Variants in SMYD4 observed in about 807,000 individuals in gnomAD.
SMYD4 encodes the protein protein-lysine N-methyltransferase SMYD4.
A neutral mutation model predicts 72.8 loss-of-function variants in SMYD4; 68 were observed. That is an observed-to-expected ratio of 0.93 (90% CI 0.77 to 1.14). SMYD4 has a LOEUF of 1.14. SMYD4 is among the 50% of genes most tolerant of loss of function. SMYD4 has a pLI of 0.00. For missense variants in SMYD4, 984 were observed against 1,003.7 expected, an observed-to-expected ratio of 0.98 and a Z score of 0.27; for synonymous variants, 407 against 388.6, an observed-to-expected ratio of 1.05 and a Z score of -0.56.
Position 1,786,989 on chromosome 17 carries a change from C to T in SMYD4, c.1721-16G>A, listed in dbSNP as rs75540186. On this transcript the variant is annotated splice_polypyrimidine_tract_variant and intron_variant, in intron 6 of 10. Transcript: ENST00000305513. ...TTGTGAGGCCCTGGAGGGAGATCAC[C>T]GTCAGCCAATATTGAAAGCAAGAGA... is the stretch of plus-strand genomic sequence containing the variant. 1.9e-3 allele frequency: 2,972 copies of T among 1,599,530 alleles called. 45 individuals are homozygous for T. The African/African-American group carries it at 0.036, about 20-fold the overall frequency.
At chr17:1,815,825 G>A (rs1002043050) in intron 2 of SMYD4, among the ~76,000 whole-genome samples, 8 of 151,598 alleles carry the variant, frequency 5.3e-5, no homozygotes, top group African/African-American at 1.7e-4. Flanking sequence ...TCAGCCTCCC[G>A]AGTAGCTGGG....
chr17:1,827,995 G>A lies in SMYD4; in HGVS notation c.-1C>T. The A allele has an allele frequency of 6.2e-7, 1 of 1,607,076 alleles. No homozygotes were observed. Among genetic ancestry groups the A allele is most frequent in the Non-Finnish European group, 8.5e-7 (1 of 1,174,282 alleles). On this transcript the variant is annotated 5_prime_UTR_variant, in exon 2 of 11. Transcript: ENST00000305513. ...TCCATTCATCCACAGGCAGATCCAT[G>A]CTGCTTTTGATCTATAAAATGAGTA...
At chr17:1,793,890 G>A in intron 5 of SMYD4, among the ~76,000 whole-genome samples, 2 of 148,584 alleles carry the variant, frequency 1.3e-5, no homozygotes, top group Non-Finnish European at 3.0e-5. Context: ...GTGTGATCTC[G>A]GCTCACTGCA....
intron 5 of SMYD4, among the ~76,000 whole-genome samples, chr17:1,793,609 C>T (rs557006097): frequency 5.5e-4 from 83 of 151,972 alleles, no homozygotes; most frequent in African/African-American, 1.8e-3. Context: ...CAGAGCTAGC[C>T]CAGATTCAAG....
chr17:1,782,971 G>A, intron 10 of SMYD4, 64 bp downstream of exon 10: 4 of 1,555,320 alleles, frequency 2.6e-6, no homozygotes, highest in Middle Eastern at 1.7e-4. Context: ...TAGAAAAAAA[G>A]TAATACCCAG....
intron 4 of SMYD4, among the ~76,000 whole-genome samples, chr17:1,801,270 G>A (rs1239062522): frequency 1.3e-5 from 2 of 151,508 alleles, no homozygotes; most frequent in Non-Finnish European, 2.9e-5. Flanking sequence ...ACGGAGTCTC[G>A]CTCTGTCGCC....
At chr17:1,822,832 G>GA (rs1910963165) in intron 2 of SMYD4, among the ~76,000 whole-genome samples, 1 of 151,998 alleles carries the variant, frequency 6.6e-6, no homozygotes, top group Non-Finnish European at 1.5e-5. Context: ...TAATTGGGGG[G>GA]AAAAGCCTTA....
intron 2 of SMYD4, among the ~76,000 whole-genome samples, chr17:1,815,653 GC>G (rs931508711): frequency 7.4e-6 from 1 of 134,774 alleles, no homozygotes; most frequent in African/African-American, 3.0e-5. Flanking sequence ...GCAAGACCCT[GC>G]CTTAAAAAAA....
chr17:1,816,225 C>A (rs1910583290), intron 2 of SMYD4, among the ~76,000 whole-genome samples: 1 of 152,158 alleles, frequency 6.6e-6, no homozygotes, highest in Non-Finnish European at 1.5e-5. Context: ...TAAATGTAAT[C>A]ATACATTACT....
At chr17:1,814,349 A>C (rs927307406) in intron 2 of SMYD4, among the ~76,000 whole-genome samples, 1 of 152,104 alleles carries the variant, frequency 6.6e-6, no homozygotes, top group Non-Finnish European at 1.5e-5. Flanking sequence ...GAATGTTTAC[A>C]AGTAAGTTAA....
At chr17:1,795,460 T>G (rs1001449989) in intron 5 of SMYD4, among the ~76,000 whole-genome samples, 9 of 151,688 alleles carry the variant, frequency 5.9e-5, no homozygotes, top group African/African-American at 2.2e-4. Context: ...TCTATCTATC[T>G]ATCTAAGAGA....
Position 1,787,475 on chromosome 17 carries a change from G to A in SMYD4, c.1667C>T (p.Thr556Ile), listed in dbSNP as rs1403378034. 6.4e-7 allele frequency: 1 copy of A among 1,568,446 alleles called. No homozygotes were observed. ...TSVSFISTVA[T>I]IRASQRIRKG... is the part of the protein sequence containing the mutation. ...TCTAATCCGCTGTGACGCCCGGATG[G>A]TGGCGACAGTGCTAATGAAGGACAC... The change falls in exon 6 of 11, where the codon ACC becomes ATC. Residue 556 changes from threonine to isoleucine, a missense_variant. By Grantham distance (89) the Thr-to-Ile change is moderately conservative (BLOSUM62 -1). Coordinates refer to ENST00000305513, the MANE Select transcript of SMYD4 (RefSeq NM_052928.3).
At chr17:1,794,039 A>ATATCTATATGTGTG in intron 5 of SMYD4, among the ~76,000 whole-genome samples, 1 of 68,076 alleles carries the variant, frequency 1.5e-5, no homozygotes, top group Non-Finnish European at 2.5e-5. Context: ...ATATATATGT[A>ATATCTATATGTGTG]TGTATATATA....
chr17:1,810,241 T>C (rs1910258818), intron 3 of SMYD4, among the ~76,000 whole-genome samples: 1 of 151,978 alleles, frequency 6.6e-6, no homozygotes, highest in African/African-American at 2.4e-5. Flanking sequence ...TCGGAAGGAA[T>C]ATGGAAATAG....
chr17:1,825,426 T>A (rs1911113770), intron 2 of SMYD4, among the ~76,000 whole-genome samples: 1 of 152,068 alleles, frequency 6.6e-6, no homozygotes, highest in Admixed American at 6.6e-5. Context: ...TGAACATTTT[T>A]ATCAACTCCC....
chr17:1,827,353 GA>G (rs529472874), intron 2 of SMYD4, among the ~76,000 whole-genome samples: 17,581 of 118,850 alleles, frequency 0.15, 1,250 homozygotes, highest in African/African-American at 0.23. Flanking sequence ...AAGAAAAAAA[GA>G]AAAAAAAAAA....
chr17:1,816,117 A>G (rs1195483254), intron 2 of SMYD4, among the ~76,000 whole-genome samples: 1 of 152,030 alleles, frequency 6.6e-6, no homozygotes, highest in African/African-American at 2.4e-5. Flanking sequence ...AACTCTACCC[A>G]TTAAACCATA....
chr17:1,803,086 G>A (rs1193796298), intron 4 of SMYD4, among the ~76,000 whole-genome samples: 1 of 152,220 alleles, frequency 6.6e-6, no homozygotes, highest in Non-Finnish European at 1.5e-5. Flanking sequence ...AGGTTGCAGT[G>A]AGCAGAGATC....
chr17:1,781,691 T>G (rs542792800), intron 10 of SMYD4: 281 of 272,784 alleles, frequency 1.0e-3, no homozygotes, highest in Middle Eastern at 3.6e-3. Flanking sequence ...TTTTTTTTTT[T>G]GAGACAAGAG....
Sources: allele counts gnomAD v4.1 joint callset (sites outside exome capture counted in the v4.1 genomes callset), GRCh38; gene constraint gnomAD v4.1.1; transcripts MANE v1.5; gene names NCBI Gene and HGNC (gene_info 2026-07-23, HGNC 2026-07-21).